NRXN3: variants seen among roughly 807,000 people sequenced by gnomAD.
The protein encoded by NRXN3 is neurexin III.
A neutral mutation model predicts 137.6 loss-of-function variants in NRXN3; 32 were observed. The ratio of observed to expected loss-of-function variants is 0.23; its 90% CI spans 0.18 to 0.31. The LOEUF (loss-of-function observed/expected upper bound fraction) is 0.31, where lower values mean the gene tolerates loss of function less well. Among genes scored for constraint, NRXN3 ranks in the 10% least tolerant of loss-of-function variants. NRXN3 has a pLI of 1.00. For missense variants in NRXN3, 1,574 were observed against 2,062.5 expected (o/e 0.76, Z 4.59); for synonymous variants, 798 against 784.5 (o/e 1.02, Z -0.29).
intron 6 of NRXN3, among the ~76,000 whole-genome samples, chr14:78,668,946 G>GTCTA (rs1270453339): frequency 6.6e-6 from 1 of 152,034 alleles, no homozygotes; most frequent in East Asian, 1.9e-4. Context: ...CTGTCTGTCT[G>GTCTA]TCTGTCTGTC....
chr14:79,404,646 A>T (rs1265675837), intron 15 of NRXN3, among the ~76,000 whole-genome samples: 1 of 152,198 alleles, frequency 6.6e-6, no homozygotes, highest in Non-Finnish European at 1.5e-5. Flanking sequence ...ACACACTGAG[A>T]TTTAAAAATG....
Position 79,438,426 on chromosome 14 carries a change from T to C in NRXN3, c.3263-28795T>C, listed in dbSNP as rs116810070. 6.8e-3 allele frequency among the ~76,000 whole-genome samples: 1,039 copies of C among 152,276 alleles called. 15 individuals are homozygous for C. The highest frequency in any genetic ancestry group is 0.024 in the African/African-American group (1,001 of 41,556). On this transcript the variant is annotated intron_variant, in intron 15 of 20. Coordinates refer to ENST00000335750, the MANE Select transcript of NRXN3 (RefSeq NM_001330195.2). ...AAATTGTGTTTGATAAAGTGCTTAATAAGGGCGGCTTCCAAAGTGGTTCCA... is the reference window on the plus strand; with the variant it reads ...AAATTGTGTTTGATAAAGTGCTTAACAAGGGCGGCTTCCAAAGTGGTTCCA...
chr14:78,232,936 C>T (rs944538942), intron 1 of NRXN3, among the ~76,000 whole-genome samples: 4 of 152,104 alleles, frequency 2.6e-5, no homozygotes, highest in African/African-American at 7.2e-5. Flanking sequence ...TGAGGTTGCT[C>T]GGGAGCCTGT....
At chr14:79,032,525 T>C (rs754268824) in intron 15 of NRXN3, among the ~76,000 whole-genome samples, 6 of 152,142 alleles carry the variant, frequency 3.9e-5, no homozygotes, top group Non-Finnish European at 8.8e-5. Context: ...CACCTGAGCC[T>C]TAGAGAGGAA....
At chr14:78,897,070 A>G (rs1189291874) in intron 10 of NRXN3, among the ~76,000 whole-genome samples, 1 of 152,072 alleles carries the variant, frequency 6.6e-6, no homozygotes, top group East Asian at 1.9e-4. Context: ...CTTTCATGCT[A>G]CAATGGCAGC....
At chr14:78,202,373 G>A (rs1566959897) in intron 1 of NRXN3, among the ~76,000 whole-genome samples, 1 of 152,352 alleles carries the variant, frequency 6.6e-6, no homozygotes, top group East Asian at 1.9e-4. Context: ...AGATGTGGCA[G>A]CATTATTGTT....
chr14:78,588,237 G>A (rs189971438), intron 4 of NRXN3, among the ~76,000 whole-genome samples: 1 of 152,262 alleles, frequency 6.6e-6, no homozygotes, highest in Admixed American at 6.5e-5. Flanking sequence ...TAAATGAAAA[G>A]TTTTTGTAGC....
chr14:79,454,267 A>G (rs2096225312), intron 15 of NRXN3, among the ~76,000 whole-genome samples: 1 of 152,096 alleles, frequency 6.6e-6, no homozygotes, highest in Admixed American at 6.5e-5. Flanking sequence ...TATTTTTAGT[A>G]GAGACGGGGT....
At chr14:79,372,096 C>T (rs1416723777) in intron 15 of NRXN3, among the ~76,000 whole-genome samples, 1 of 150,980 alleles carries the variant, frequency 6.6e-6, no homozygotes, top group Non-Finnish European at 1.5e-5. Flanking sequence ...TACATTTAAT[C>T]AAACCTACAT....
intron 8 of NRXN3, among the ~76,000 whole-genome samples, chr14:78,734,721 G>A (rs957787316): frequency 2.0e-5 from 3 of 152,176 alleles, no homozygotes; most frequent in African/African-American, 7.2e-5. Flanking sequence ...GACAAAGATG[G>A]ATGCAGTCTT....
At chr14:78,967,811 T>G (rs80128841) in intron 13 of NRXN3, among the ~76,000 whole-genome samples, 188 of 152,326 alleles carry the variant, frequency 1.2e-3, no homozygotes, top group Non-Finnish European at 2.2e-3. Context: ...TGTTAGTTTC[T>G]GTATAGGTCG....
At chr14:79,282,375 G>A (rs1013201549) in intron 15 of NRXN3, among the ~76,000 whole-genome samples, 6 of 152,134 alleles carry the variant, frequency 3.9e-5, no homozygotes, top group Admixed American at 6.5e-5. Flanking sequence ...ATGCATTACA[G>A]GTTATGGGTG....
At chr14:79,493,424 A>G (rs572513204) in intron 16 of NRXN3, among the ~76,000 whole-genome samples, 2 of 152,364 alleles carry the variant, frequency 1.3e-5, no homozygotes, top group East Asian at 3.9e-4. Context: ...TACAGTGGTG[A>G]CAGTGTCTCC....
At chr14:78,379,525 A>G (rs938547389) in intron 4 of NRXN3, among the ~76,000 whole-genome samples, 1 of 152,242 alleles carries the variant, frequency 6.6e-6, no homozygotes, top group African/African-American at 2.4e-5. Flanking sequence ...GATTATATCA[A>G]TTGATGCAGA....
intron 16 of NRXN3, among the ~76,000 whole-genome samples, chr14:79,523,260 A>G (rs1482974910): frequency 6.6e-6 from 1 of 152,216 alleles, no homozygotes; most frequent in African/African-American, 2.4e-5. Flanking sequence ...TTCAGTAAGT[A>G]CAAAATGAAA....
intron 14 of NRXN3, among the ~76,000 whole-genome samples, chr14:78,969,545 A>G (rs1244175866): frequency 1.3e-5 from 2 of 151,990 alleles, no homozygotes; most frequent in Admixed American, 1.3e-4. Context: ...TGTTCATTCC[A>G]CTTCTGTGTT....
At chr14:78,292,172 G>A (rs1224563492) in intron 3 of NRXN3, among the ~76,000 whole-genome samples, 2 of 152,244 alleles carry the variant, frequency 1.3e-5, no homozygotes. Context: ...TCTCATGACA[G>A]GCTTCATGAT....
intron 16 of NRXN3, among the ~76,000 whole-genome samples, chr14:79,622,917 T>A (rs2098240576): frequency 1.3e-5 from 2 of 152,216 alleles, no homozygotes; most frequent in South Asian, 4.1e-4. Flanking sequence ...TTATTATTAT[T>A]TCATTATTAT....
chr14:78,550,183 T>G (rs1018088093), intron 4 of NRXN3, among the ~76,000 whole-genome samples: 2 of 152,042 alleles, frequency 1.3e-5, no homozygotes, highest in Non-Finnish European at 2.9e-5. Context: ...GACAGTCATG[T>G]GCCACCACGC....
Sources: allele counts gnomAD v4.1 joint callset (sites outside exome capture counted in the v4.1 genomes callset), GRCh38; gene constraint gnomAD v4.1.1; transcripts MANE v1.5; gene names NCBI Gene and HGNC (gene_info 2026-07-23, HGNC 2026-07-21).